Variants in GNAQ observed in about 807,000 individuals in gnomAD.
GNAQ encodes the protein guanine nucleotide-binding protein G(q) subunit alpha.
A neutral mutation model predicts 43.9 loss-of-function variants in GNAQ; 8 were observed. The observed-to-expected ratio is 0.18, with a 90% CI of 0.11 to 0.33. GNAQ has a LOEUF of 0.33. GNAQ is among the 10% of genes least tolerant of loss of function. The probability of loss-of-function intolerance (pLI) is 1.00; values close to 1 mark genes in which losing one functional copy is unlikely to be tolerated. For synonymous variants in GNAQ, 155 were observed against 170.7 expected, an observed-to-expected ratio of 0.91 and a Z score of 0.71; for missense variants, 158 against 450.8, an observed-to-expected ratio of 0.35 and a Z score of 5.88.
chr9:77,742,997 C>G (rs12341522), intron 5 of GNAQ, among the ~76,000 whole-genome samples: 6,211 of 152,260 alleles, frequency 0.041, 377 homozygotes, highest in African/African-American at 0.13. Context: ...CCGTGGCTCA[C>G]GCCTGTAATC....
At chr9:77,868,569 G>A (rs576572515) in intron 2 of GNAQ, among the ~76,000 whole-genome samples, 33 of 151,752 alleles carry the variant, frequency 2.2e-4, no homozygotes, top group Non-Finnish European at 4.1e-4. Flanking sequence ...AGGCAGAGGC[G>A]GGCTGATCAT....
intron 2 of GNAQ, among the ~76,000 whole-genome samples, chr9:77,840,708 AG>A: frequency 6.6e-6 from 1 of 152,330 alleles, no homozygotes; most frequent in East Asian, 1.9e-4. Context: ...AAAACAAAAA[AG>A]AAAAAAAGAA....
rs12350762 is a variant in GNAQ at position 77,882,344 on chromosome 9, A to G, written c.321+39817T>C. Among the ~76,000 whole-genome samples the G allele has an allele frequency of 6.2e-3, 939 of 152,284 alleles. 9 individuals carry two copies. Among genetic ancestry groups the G allele is most frequent in the African/African-American group, 0.02 (848 of 41,554 alleles). ...CCAGATCTTGTATTTAAATAACCCA[A>G]ATTGAACCCAGAAGCTTAAAAAAAT... On this transcript the variant is annotated intron_variant, in intron 2 of 6. Transcript: ENST00000286548.
At chr9:77,897,200 C>T (rs916222182) in intron 2 of GNAQ, among the ~76,000 whole-genome samples, 4 of 152,154 alleles carry the variant, frequency 2.6e-5, no homozygotes, top group Non-Finnish European at 4.4e-5. Flanking sequence ...ACTATGATGC[C>T]GGGGAAAATC....
At chr9:78,013,087 A>G (rs1263054075) in intron 1 of GNAQ, among the ~76,000 whole-genome samples, 1 of 152,206 alleles carries the variant, frequency 6.6e-6, no homozygotes, top group African/African-American at 2.4e-5. Context: ...AGGAATCCGT[A>G]ATCAGGAGGA....
intron 2 of GNAQ, among the ~76,000 whole-genome samples, chr9:77,852,588 A>T (rs1344994387): frequency 1.3e-5 from 2 of 152,184 alleles, no homozygotes; most frequent in South Asian, 4.1e-4. Context: ...CCAGTCCTTC[A>T]CAGCAAGGTG....
At chr9:77,779,123 C>T (rs892851038) in intron 5 of GNAQ, among the ~76,000 whole-genome samples, 2 of 151,896 alleles carry the variant, frequency 1.3e-5, no homozygotes, top group African/African-American at 4.8e-5. Flanking sequence ...GCACATTCTT[C>T]TCAAGCTCAC....
chr9:77,962,027 AT>A (rs1007925578), intron 1 of GNAQ, among the ~76,000 whole-genome samples: 240 of 152,366 alleles, frequency 1.6e-3, no homozygotes, highest in African/African-American at 5.7e-3. Flanking sequence ...AAAATACAGT[AT>A]CTAAAATGAA....
chr9:77,787,669 A>G (rs1564110538), intron 5 of GNAQ, among the ~76,000 whole-genome samples: 1 of 152,238 alleles, frequency 6.6e-6, no homozygotes. Context: ...GAAGAAAAAG[A>G]ATTCTTGAAG....
At chr9:77,936,713 G>A (rs980376548) in intron 1 of GNAQ, among the ~76,000 whole-genome samples, 3 of 152,244 alleles carry the variant, frequency 2.0e-5, no homozygotes, top group East Asian at 1.9e-4. Context: ...CCATACCCCC[G>A]CACTCACACC....
chr9:77,730,598 A>G (rs1004349886), intron 5 of GNAQ, among the ~76,000 whole-genome samples: 1 of 152,240 alleles, frequency 6.6e-6, no homozygotes, highest in African/African-American at 2.4e-5. Context: ...ATTTTGTGCC[A>G]ACAATTGCAT....
intron 5 of GNAQ, among the ~76,000 whole-genome samples, chr9:77,747,183 T>C (rs1825743764): frequency 6.6e-6 from 1 of 152,102 alleles, no homozygotes; most frequent in Non-Finnish European, 1.5e-5. Context: ...ATAATGAACA[T>C]ATATTACCTT....
chr9:77,775,218 T>C lies in GNAQ; in HGVS notation c.735+19245A>G, dbSNP rs1413737247. ...TTAATTATTTTCATTGTTAACAACT[T>C]TGAGCAATGTTGTCTTTGGGACATG... On this transcript the variant is annotated intron_variant, in intron 5 of 6. Transcript: ENST00000286548. 3.9e-5 allele frequency among the ~76,000 whole-genome samples: 6 copies of C among 152,290 alleles called. No homozygotes were observed. In the East Asian group the frequency reaches 1.2e-3, roughly 29 times the overall value.
At chr9:77,731,383 TGCTGCACTGGG>T (rs1825486455) in intron 5 of GNAQ, among the ~76,000 whole-genome samples, 1 of 152,206 alleles carries the variant, frequency 6.6e-6, no homozygotes, top group Admixed American at 6.5e-5. Flanking sequence ...CACCCAGTAC[TGCTGCACTGGG>T]GCTGCTCTGG....
At chr9:77,883,383 T>C (rs773183639) in intron 2 of GNAQ, among the ~76,000 whole-genome samples, 22 of 152,014 alleles carry the variant, frequency 1.4e-4, no homozygotes, top group Non-Finnish European at 2.9e-4. Flanking sequence ...AAAAGAAACT[T>C]ATGAATCAGA....
At chr9:78,017,974 T>C (rs952306414) in intron 1 of GNAQ, among the ~76,000 whole-genome samples, 1 of 151,958 alleles carries the variant, frequency 6.6e-6, no homozygotes, top group Non-Finnish European at 1.5e-5. Flanking sequence ...TGCTGGAAAC[T>C]GTATACAATC....
At chr9:77,743,999 G>C (rs889482387) in intron 5 of GNAQ, among the ~76,000 whole-genome samples, 1 of 152,214 alleles carries the variant, frequency 6.6e-6, no homozygotes, top group Non-Finnish European at 1.5e-5. Flanking sequence ...TCGGATCAGA[G>C]TGCAAGGAAG....
At position 77,922,176 on chromosome 9, in the gene GNAQ, C is replaced by T; in HGVS notation, c.306G>A (p.Lys102=). 6.2e-7 allele frequency: 1 copy of T among 1,612,834 alleles called. No homozygotes were observed. Among genetic ancestry groups the T allele is most frequent in the Admixed American group, 1.7e-5 (1 of 59,996 alleles). ...RAMDTLKIPY[K]YEHNKAHAQL... is the part of the protein sequence containing the mutation. ...TCGCACCTACCTTATTGTGCTCATA[C>T]TTGTATGGGATCTTGAGTGTGTCCA... is the stretch of plus-strand genomic sequence containing the variant. The change falls in exon 2 of 7, where the codon AAG becomes AAA. Residue 102 remains lysine (K), a synonymous_variant. Transcript: ENST00000286548.
At chr9:77,926,078 G>A (rs1323142556) in intron 1 of GNAQ, among the ~76,000 whole-genome samples, 2 of 152,006 alleles carry the variant, frequency 1.3e-5, no homozygotes, top group East Asian at 1.9e-4. Flanking sequence ...TATGGAACCC[G>A]CGAATAGGGA....
Sources: gnomAD v4.1 joint callset for allele counts (sites outside exome capture counted in the v4.1 genomes callset) on GRCh38, gnomAD v4.1.1 for gene constraint, MANE v1.5 for transcripts, NCBI Gene and HGNC (gene_info 2026-07-23, HGNC 2026-07-21) for gene names.